The following ZBP1 variants were observed in gnomAD, a reference collection of about 807,000 sequenced individuals.
ZBP1 encodes the protein Z-DNA-binding protein 1.
A neutral mutation model predicts 41.1 loss-of-function variants in ZBP1; 42 were observed. That is an observed-to-expected ratio of 1.02 (90% CI 0.80 to 1.32). The LOEUF is 1.32. Ranked by LOEUF, ZBP1 falls within the 40% of genes most tolerant of loss-of-function variation. The probability of loss-of-function intolerance (pLI) is 0.00; values close to 1 mark genes in which losing one functional copy is unlikely to be tolerated. For synonymous variants in ZBP1, 214 were observed against 205.2 expected (o/e 1.04, Z -0.37); for missense variants, 562 against 549.7 (o/e 1.02, Z -0.22).
intron 6 of ZBP1, among the ~76,000 whole-genome samples, chr20:57,611,327 C>T (rs2070661152): frequency 6.6e-6 from 1 of 152,066 alleles, no homozygotes; most frequent in African/African-American, 2.4e-5. Flanking sequence ...TTACTGCAAC[C>T]TCTGCCTCCC....
intron 7 of ZBP1, among the ~76,000 whole-genome samples, chr20:57,606,520 AAC>A (rs992543787): frequency 5.9e-5 from 9 of 152,258 alleles, no homozygotes; most frequent in African/African-American, 2.2e-4. Flanking sequence ...ATGTAGATGA[AAC>A]AGCCTTCTAT....
chr20:57,605,486 G>A (rs1379497617), intron 7 of ZBP1, among the ~76,000 whole-genome samples: 1 of 152,098 alleles, frequency 6.6e-6, no homozygotes, highest in Non-Finnish European at 1.5e-5. Flanking sequence ...TTGCTTTGGG[G>A]TGCCACAAAT....
At position 57,616,305 on chromosome 20, in the gene ZBP1, C is replaced by T. The variant is rs1259922761; in HGVS notation, c.198G>A (p.Trp66Ter). 2.5e-6 allele frequency: 4 copies of T among 1,614,160 alleles called. No individual in the cohort carries two copies. Among genetic ancestry groups the T allele is most frequent in the Non-Finnish European group, 2.5e-6 (3 of 1,180,024 alleles). The change falls in exon 2 of 8, where the codon TGG becomes TGA. Residue 66 changes from tryptophan (W) to a stop codon, truncating the protein, a stop_gained. Transcript: ENST00000371173. LOFTEE classifies it high-confidence loss of function. ...LKVSLTSPAT[W>*]CLGGTDPEGE... ...CTTCAGGATCAGTCCCGCCCAAGCA[C>T]CAGGTGGCAGGGGATGTGAGGGAGA...
At chr20:57,607,173 T>A in intron 7 of ZBP1, 2 of 1,304,204 alleles carry the variant, frequency 1.5e-6, no homozygotes, top group Non-Finnish European at 2.0e-6. Context: ...CCAATCTACA[T>A]GCCGTTAAGA....
chr20:57,604,533 C>T lies in ZBP1; in HGVS notation c.*40G>A, dbSNP rs749108152. The T allele has an allele frequency of 6.2e-7, 1 of 1,604,012 alleles. No individual in the cohort carries two copies. The highest frequency in any genetic ancestry group is 1.3e-5 in the African/African-American group (1 of 74,706). ...CAGGCTAGTCTCCCTAGCATGCGCC[C>T]ACCCCCAGCCTGTGTCCAAGCCCCA... On this transcript the variant is annotated 3_prime_UTR_variant, in exon 8 of 8. Transcript: ENST00000371173.
In ZBP1 at chr20:57,610,013, C is replaced by T. The variant is rs941405633; in HGVS notation, c.1093+136G>A. ...CGCTGACTCTAGAGCTGCTGCTCCTCGCTGTGGGTGGGCACAGCCTCCAGA... is the reference window on the plus strand; with the variant it reads ...CGCTGACTCTAGAGCTGCTGCTCCTTGCTGTGGGTGGGCACAGCCTCCAGA... On this transcript the variant is annotated intron_variant, in intron 7 of 7. Coordinates refer to ENST00000371173, the MANE Select transcript of ZBP1 (RefSeq NM_030776.3). The surrounding 1 kb of genome is among the most constrained non-coding windows in gnomAD (Gnocchi z 5.5). 23 of 976,520 alleles carry T rather than the reference C, an allele frequency of 2.4e-5. No homozygotes were observed. Among genetic ancestry groups the T allele is most frequent in the African/African-American group, 6.6e-5 (4 of 61,066 alleles). 60.5% of individuals were successfully genotyped at this position (976,520 alleles called of 1,614,324 possible).
chr20:57,610,248 C>T lies in ZBP1; in HGVS notation c.994G>A (p.Ala332Thr), dbSNP rs762511482. Residue 332 changes from alanine to threonine, a missense_variant, in exon 7 of 8, where the codon GCC (alanine) becomes ACC (threonine). By Grantham distance (58) the Ala-to-Thr change is moderately conservative. Coordinates refer to ENST00000371173, the MANE Select transcript of ZBP1 (RefSeq NM_030776.3). This position sits in a 1 kb window ranked among gnomAD's most constrained non-coding sequence, Gnocchi z 5.5. ...ATTTTGTTGCTGTTGCCGATGGTGGCGTCCTCGAGAAAGCACGATTTCATG... is the reference window on the plus strand; with the variant it reads ...ATTTTGTTGCTGTTGCCGATGGTGGTGTCCTCGAGAAAGCACGATTTCATG... ...IHMKSCFLED[A>T]TIGNSNKMSI... is the part of the protein sequence containing the mutation. 2.9e-5 allele frequency: 47 copies of T among 1,614,180 alleles called. No individual in the cohort carries two copies. The highest frequency in any genetic ancestry group is 1.6e-4 in the East Asian group (7 of 44,884).
rs776695915 is a variant in ZBP1, at chr20:57,615,538, G to A, written c.302C>T (p.Pro101Leu). The change falls in exon 3 of 8, where the codon CCT (proline) becomes CTT (leucine). Residue 101 changes from proline to leucine, a missense_variant. Physicochemically the swap from Pro to Leu is moderately conservative, Grantham distance 98. Coordinates refer to ENST00000371173, the MANE Select transcript of ZBP1 (RefSeq NM_030776.3). ...CCGTTGTTGGCTGAACTGAGGGCCAGGGGTCTCTGGAATTGTAGCTGCATG... is the reference window on the plus strand; with the variant it reads ...CCGTTGTTGGCTGAACTGAGGGCCAAGGGTCTCTGGAATTGTAGCTGCATG... ...QQHAATIPETPGPQFSQQREE... is the reference protein window; with the variant it reads ...QQHAATIPETLGPQFSQQREE... 2 of 1,613,270 alleles carry A rather than the reference G, an allele frequency of 1.2e-6. No individual in the cohort carries two copies. Among genetic ancestry groups the A allele is most frequent in the African/African-American group, 2.7e-5 (2 of 74,830 alleles).
intron 1 of ZBP1, among the ~76,000 whole-genome samples, chr20:57,619,551 A>C (rs1423927209): frequency 6.6e-6 from 1 of 152,214 alleles, no homozygotes; most frequent in Non-Finnish European, 1.5e-5. Context: ...TTAGTTGAGG[A>C]AAGGATGCAA....
chr20:57,616,365 G>C lies in ZBP1; in HGVS notation c.138C>G (p.Asn46Lys). ...KECQAPKREL[N>K]QVLYRMKKEL... ...CCTTTTTCATTCGGTAGAGGACTTGGTTGAGCTCCCTCTTGGGTGCTTGGC... is the reference window on the plus strand; with the variant it reads ...CCTTTTTCATTCGGTAGAGGACTTGCTTGAGCTCCCTCTTGGGTGCTTGGC... Residue 46 changes from asparagine (N) to lysine (K), a missense_variant, in exon 2 of 8, where the codon AAC becomes AAG. Coordinates refer to ENST00000371173, the MANE Select transcript of ZBP1 (RefSeq NM_030776.3). 1 of 1,614,200 alleles carries C rather than the reference G, an allele frequency of 6.2e-7. No homozygotes were observed. Among genetic ancestry groups the C allele is most frequent in the Non-Finnish European group, 8.5e-7 (1 of 1,180,040 alleles).
rs781354139 is a variant in ZBP1, at chr20:57,610,104, G to A, written c.1093+45C>T. The stretch of plus-strand genomic sequence containing the variant: ...AATGAATGAATGAGTGGAAGGTGGG[G>A]AGAGAGAGAGAACACACAGGGGTCC... On this transcript the variant is annotated intron_variant, in intron 7 of 7. Transcript: ENST00000371173. The surrounding 1 kb of genome is among the most constrained non-coding windows in gnomAD (Gnocchi z 5.5). 8.6e-6 allele frequency: 13 copies of A among 1,510,360 alleles called. No individual in the cohort carries two copies. In the Admixed American group the frequency reaches 2.0e-4, roughly 24 times the overall value. The allele number at this position is 1,510,360 out of a possible 1,614,324, so 93.6% of individuals were successfully genotyped here.
chr20:57,613,347 A>G lies in ZBP1; in HGVS notation c.503-17T>C. ...CAGAATCTTCTGCAAAATAATATTC[A>G]ACTGTATCCCTTTGCCACTGTCTAT... On this transcript the variant is annotated splice_polypyrimidine_tract_variant and intron_variant, in intron 4 of 7. Coordinates refer to ENST00000371173, the MANE Select transcript of ZBP1 (RefSeq NM_030776.3). The surrounding 1 kb of genome is among the most constrained non-coding windows in gnomAD (Gnocchi z 4.5). 1.2e-6 allele frequency: 2 copies of G among 1,609,280 alleles called. No individual in the cohort carries two copies. The highest frequency in any genetic ancestry group is 1.7e-6 in the Non-Finnish European group (2 of 1,179,310).
chr20:57,608,155 T>C (rs1476162374), intron 7 of ZBP1, among the ~76,000 whole-genome samples: 6 of 151,640 alleles, frequency 4.0e-5, no homozygotes, highest in African/African-American at 1.5e-4. Context: ...AGAGTCTTGC[T>C]CTGTCGCCCA....
At chr20:57,608,794 G>A (rs1344281600) in intron 7 of ZBP1, among the ~76,000 whole-genome samples, 2 of 152,234 alleles carry the variant, frequency 1.3e-5, no homozygotes, top group African/African-American at 4.8e-5. Flanking sequence ...CGGCCCTTGG[G>A]GTGAGGAGAC....
intron 7 of ZBP1, among the ~76,000 whole-genome samples, chr20:57,606,070 T>C (rs571781207): frequency 6.6e-6 from 1 of 152,328 alleles, no homozygotes; most frequent in South Asian, 2.1e-4. Flanking sequence ...TGTCCAAAGC[T>C]AAGACAAGTT....
At chr20:57,611,495 G>A (rs568233865) in intron 6 of ZBP1, among the ~76,000 whole-genome samples, 1 of 138,228 alleles carries the variant, frequency 7.2e-6, no homozygotes, top group Non-Finnish European at 1.5e-5. Flanking sequence ...GACCTCAGGT[G>A]ATCCACCCGC....
At position 57,613,816 on chromosome 20, in the gene ZBP1, A is replaced by G. The variant is rs901436798; in HGVS notation, c.503-486T>C. ...GGCTGTCACGCGTTATTCCTTCCTC[A>G]CAGCAGCCCTAGGATGCTGAGACCC... On this transcript the variant is annotated intron_variant, in intron 4 of 7. Transcript: ENST00000371173. The surrounding 1 kb of genome is among the most constrained non-coding windows in gnomAD (Gnocchi z 4.5). 6.6e-6 allele frequency among the ~76,000 whole-genome samples: 1 copy of G among 152,056 alleles called. No individual in the cohort carries two copies. The highest frequency in any genetic ancestry group is 1.5e-5 in the Non-Finnish European group (1 of 67,984).
At position 57,610,207 on chromosome 20, in the gene ZBP1, C is replaced by T; in HGVS notation, c.1035G>A (p.Gly345=). ...GNSNKMSISP[G]VAGPGGVAGS... The stretch of plus-strand genomic sequence containing the variant: ...CTGCGACTCCTCCTGGGCCAGCCAC[C>T]CCTGGGCTGATAGACATTTTGTTGC... The change falls in exon 7 of 8, where the codon GGG becomes GGA. Residue 345 remains glycine (G), a synonymous_variant. Transcript: ENST00000371173. The surrounding 1 kb of genome is among the most constrained non-coding windows in gnomAD (Gnocchi z 5.5). 6.2e-7 allele frequency: 1 copy of T among 1,614,202 alleles called. No individual in the cohort carries two copies. Among genetic ancestry groups the T allele is most frequent in the Non-Finnish European group, 8.5e-7 (1 of 1,180,032 alleles).
At chr20:57,615,376 A>G (rs936238027) in intron 3 of ZBP1, 136 bp downstream of exon 3, 2 of 933,638 alleles carry the variant, frequency 2.1e-6, no homozygotes, top group African/African-American at 3.4e-5. Flanking sequence ...GGCTCTGAAC[A>G]CTGTATGGGA....
Sources: allele counts gnomAD v4.1 joint callset (sites outside exome capture counted in the v4.1 genomes callset), GRCh38; gene constraint gnomAD v4.1.1; non-coding constraint Gnocchi (gnomAD v3.1); transcripts MANE v1.5; gene names NCBI Gene and HGNC (gene_info 2026-07-23, HGNC 2026-07-21).